The following AFF4 variants were observed in gnomAD, a reference collection of about 807,000 sequenced individuals.
AFF4 encodes the protein ALF transcription elongation factor 4, also known as AF4/FMR2 family member 4.
Under a neutral mutation model 124.8 loss-of-function variants are expected in AFF4, and 13 were observed. The ratio of observed to expected loss-of-function variants is 0.10; its 90% CI spans 0.07 to 0.17. The LOEUF (loss-of-function observed/expected upper bound fraction) is 0.17. AFF4 is among the 10% of genes least tolerant of loss of function. AFF4 has a pLI of 1.00. For synonymous variants in AFF4, 477 were observed against 496.1 expected, an observed-to-expected ratio of 0.96 and a Z score of 0.51; for missense variants, 1,092 against 1,403.8, an observed-to-expected ratio of 0.78 and a Z score of 3.55.
intron 5 of AFF4, among the ~76,000 whole-genome samples, chr5:132,925,499 T>C (rs1761150413): frequency 6.6e-6 from 1 of 152,070 alleles, no homozygotes; most frequent in Non-Finnish European, 1.5e-5. Context: ...AGAATCTAAC[T>C]GGTAGATAAA....
chr5:132,939,390 G>A (rs1385282537), intron 1 of AFF4, among the ~76,000 whole-genome samples: 2 of 152,048 alleles, frequency 1.3e-5, no homozygotes, highest in Admixed American at 6.6e-5. Flanking sequence ...AATCTTTAAA[G>A]AATACCACAA....
intron 5 of AFF4, among the ~76,000 whole-genome samples, chr5:132,909,538 G>A (rs1038874493): frequency 4.8e-5 from 7 of 146,996 alleles, no homozygotes; most frequent in African/African-American, 1.3e-4. Context: ...GGTGGTGTGC[G>A]TGTGTGTGTG....
intron 16 of AFF4, 94 bp downstream of exon 16, chr5:132,887,752 T>C (rs1760151229): frequency 2.6e-6 from 4 of 1,539,446 alleles, no homozygotes; most frequent in East Asian, 2.2e-5. Flanking sequence ...TAAAGGATTA[T>C]ACACCCTCTT....
Position 132,963,565 on chromosome 5 carries a change from C to T in AFF4, c.-311G>A, listed in dbSNP as rs879893580. ...GGGCGGGTTAACGAAGACCTGGCAC[C>T]AGGATCCCCGCCCCGTCCGCTGGCG... is the stretch of plus-strand genomic sequence containing the variant. On this transcript the variant is annotated 5_prime_UTR_variant, in exon 1 of 21. Transcript: ENST00000265343. The T allele has an allele frequency of 5.0e-6, 2 of 398,022 alleles. No individual in the cohort carries two copies. The highest frequency in any genetic ancestry group is 1.3e-4 in the South Asian group (1 of 7,858). 24.7% of individuals were successfully genotyped at this position (398,022 alleles called of 1,614,324 possible). A position where few individuals can be genotyped will look rare whatever the true frequency, so the allele number is the denominator to read the frequency against.
chr5:132,893,410 A>G (rs778139460), intron 11 of AFF4, among the ~76,000 whole-genome samples: 6 of 152,228 alleles, frequency 3.9e-5, no homozygotes, highest in South Asian at 4.1e-4. Flanking sequence ...TTAAGATATA[A>G]TTTACATAAC....
chr5:132,963,408 T>G lies in AFF4; in HGVS notation c.-154A>C. The G allele has an allele frequency of 2.5e-6, 1 of 395,914 alleles. No homozygotes were observed. The highest frequency in any genetic ancestry group is 4.4e-6 in the Non-Finnish European group (1 of 225,260). The allele number at this position is 395,914 out of a possible 1,614,324, so 24.5% of individuals were successfully genotyped here. On this transcript the variant is annotated 5_prime_UTR_variant, in exon 1 of 21. Coordinates refer to ENST00000265343, the MANE Select transcript of AFF4 (RefSeq NM_014423.4). ...GAGGGGCTCCGGGAGGCGGCGGGGGTTCCGGAGGCCTCGACAAACGAAGGC... is the reference window on the plus strand; with the variant it reads ...GAGGGGCTCCGGGAGGCGGCGGGGGGTCCGGAGGCCTCGACAAACGAAGGC...
intron 13 of AFF4, among the ~76,000 whole-genome samples, chr5:132,890,792 T>C (rs943687249): frequency 6.6e-6 from 1 of 152,102 alleles, no homozygotes; most frequent in South Asian, 2.1e-4. Flanking sequence ...ATGACTACAT[T>C]TGATCCAACA....
intron 1 of AFF4, among the ~76,000 whole-genome samples, chr5:132,951,647 C>T (rs541231278): frequency 1.3e-4 from 20 of 152,298 alleles, no homozygotes; most frequent in African/African-American, 4.8e-4. Context: ...TCTGCCTCAG[C>T]CTCCCAAGTA....
rs1163984053 is a variant in AFF4 at position 132,877,642 on chromosome 5, G to A, written c.*3417C>T. 4.7e-6 allele frequency: 1 copy of A among 211,176 alleles called. No individual in the cohort carries two copies. The highest frequency in any genetic ancestry group is 7.1e-5 in the East Asian group (1 of 14,068). The allele number at this position is 211,176 out of a possible 1,614,324, so 13.1% of individuals were successfully genotyped here. On this transcript the variant is annotated 3_prime_UTR_variant, in exon 21 of 21. Transcript: ENST00000265343. The stretch of plus-strand genomic sequence containing the variant: ...TCTATATAACTAGGCATCACTGACT[G>A]GAACAATCACTGGCTGCTCTGAAAC...
chr5:132,953,532 T>C (rs1761888913), intron 1 of AFF4, among the ~76,000 whole-genome samples: 1 of 152,044 alleles, frequency 6.6e-6, no homozygotes, highest in Non-Finnish European at 1.5e-5. Flanking sequence ...TTACAAGAAC[T>C]TTGTAATGAG....
At chr5:132,937,016 G>A in intron 2 of AFF4, 51 bp downstream of exon 2, 2 of 1,556,530 alleles carry the variant, frequency 1.3e-6, no homozygotes, top group Non-Finnish European at 1.7e-6. Context: ...CATTTTAAAA[G>A]CAAAAATGTC....
At chr5:132,920,804 T>C (rs1761024825) in intron 5 of AFF4, among the ~76,000 whole-genome samples, 1 of 152,020 alleles carries the variant, frequency 6.6e-6, no homozygotes, top group African/African-American at 2.4e-5. Context: ...AATTTTCAAA[T>C]CACATATATG....
chr5:132,928,130 G>C (rs925376675), intron 4 of AFF4, among the ~76,000 whole-genome samples: 2 of 151,888 alleles, frequency 1.3e-5, no homozygotes, highest in African/African-American at 4.8e-5. Context: ...ACGTATAAGG[G>C]GCTCACACTT....
intron 5 of AFF4, among the ~76,000 whole-genome samples, chr5:132,904,780 T>G (rs1047882549): frequency 6.6e-6 from 1 of 152,250 alleles, no homozygotes; most frequent in East Asian, 1.9e-4. Context: ...CTGTATAACC[T>G]TTATCCATTA....
Position 132,878,244 on chromosome 5 carries a change from G to A in AFF4, c.*2815C>T, listed in dbSNP as rs1759887722. The A allele has an allele frequency of 1.7e-5, 4 of 229,390 alleles. No homozygotes were observed. Among genetic ancestry groups the A allele is most frequent in the South Asian group, 1.8e-4 (1 of 5,508 alleles). 14.2% of individuals were successfully genotyped at this position (229,390 alleles called of 1,614,324 possible). On this transcript the variant is annotated 3_prime_UTR_variant, in exon 21 of 21. Coordinates refer to ENST00000265343, the MANE Select transcript of AFF4 (RefSeq NM_014423.4). ...CCCAGGCAAGACTACTGTGACAACTGCAACCACTGCAATTGGTTCGTTGGT... is the reference window on the plus strand; with the variant it reads ...CCCAGGCAAGACTACTGTGACAACTACAACCACTGCAATTGGTTCGTTGGT...
intron 4 of AFF4, among the ~76,000 whole-genome samples, chr5:132,931,195 G>A (rs1761293105): frequency 6.6e-6 from 1 of 151,936 alleles, no homozygotes; most frequent in Admixed American, 6.6e-5. Context: ...AGGAGGATGG[G>A]GGAGTGGGGA....
intron 2 of AFF4, among the ~76,000 whole-genome samples, chr5:132,935,304 A>G (rs964922975): frequency 1.3e-5 from 2 of 152,244 alleles, no homozygotes; most frequent in Non-Finnish European, 2.9e-5. Context: ...CATGGGTAAC[A>G]TAGCAAGACT....
At chr5:132,915,251 G>T (rs1435196763) in intron 5 of AFF4, among the ~76,000 whole-genome samples, 1 of 151,960 alleles carries the variant, frequency 6.6e-6, no homozygotes. Context: ...TGAGGCAGGA[G>T]AATGGCATGA....
chr5:132,943,988 G>A lies in AFF4; in HGVS notation c.-4-6795C>T, dbSNP rs113684958. The A allele has an allele frequency of 9.7e-3, 1,495 of 154,754 alleles. 22 individuals carry two copies. The highest frequency in any genetic ancestry group is 0.031 in the African/African-American group (1,286 of 41,592). 9.6% of individuals were successfully genotyped at this position (154,754 alleles called of 1,614,324 possible). A position where few individuals can be genotyped will look rare whatever the true frequency, so the allele number is the denominator to read the frequency against. On this transcript the variant is annotated intron_variant, in intron 1 of 20. Transcript: ENST00000265343. Reference sequence around the variant, plus strand: ...CCTGGCAAGCCCACACGTGTGTTGAGAGCTTCTGACTATCCTTCTTTGGGT... The same window carrying A: ...CCTGGCAAGCCCACACGTGTGTTGAAAGCTTCTGACTATCCTTCTTTGGGT...
Sources: gnomAD v4.1 joint callset for allele counts (sites outside exome capture counted in the v4.1 genomes callset) on GRCh38, gnomAD v4.1.1 for gene constraint, MANE v1.5 for transcripts, NCBI Gene and HGNC (gene_info 2026-07-23, HGNC 2026-07-21) for gene names.